The following ANKAR variants were observed in gnomAD, a reference collection of about 807,000 sequenced individuals.
ANKAR encodes ankyrin and armadillo repeat-containing protein.
Under a neutral mutation model 146.2 loss-of-function variants are expected in ANKAR, and 136 were observed. That is an observed-to-expected ratio of 0.93 (90% CI 0.81 to 1.07). ANKAR has a LOEUF of 1.07. Ranked by LOEUF, ANKAR falls within the 50% of genes least tolerant of loss-of-function variation. The pLI is 0.00. For missense variants in ANKAR, 1,567 were observed against 1,679.9 expected (o/e 0.93, Z 1.18); for synonymous variants, 500 against 575.8 (o/e 0.87, Z 1.88).
Position 189,719,556 on chromosome 2 carries a change from G to T in ANKAR, c.2225-16G>T, listed in dbSNP as rs1435094249. The T allele has an allele frequency of 7.1e-6, 11 of 1,550,622 alleles. No homozygotes were observed. Among genetic ancestry groups the T allele is most frequent in the Admixed American group, 3.6e-5 (2 of 55,924 alleles). On this transcript the variant is annotated splice_polypyrimidine_tract_variant and intron_variant, in intron 10 of 22. Transcript: ENST00000684021. ...ATAATTCATGCTTTTTAATTTTTTT[G>T]CTCTTGTCATTACAGGCACCATTCC...
At chr2:189,680,818 T>A (rs1014331495) in intron 2 of ANKAR, among the ~76,000 whole-genome samples, 5 of 146,740 alleles carry the variant, frequency 3.4e-5, no homozygotes, top group African/African-American at 1.4e-4. Flanking sequence ...TTTGATTTTC[T>A]TAAATTAATT....
At chr2:189,695,218 A>G (rs2037025794) in intron 6 of ANKAR, 57 bp downstream of exon 6, 2 of 1,384,096 alleles carry the variant, frequency 1.4e-6, no homozygotes, top group African/African-American at 1.4e-5. Flanking sequence ...ATTGATAAGT[A>G]TGTGTCTCAA....
At chr2:189,758,303 C>A (rs2046391331) in intron 18 of ANKAR, among the ~76,000 whole-genome samples, 1 of 152,078 alleles carries the variant, frequency 6.6e-6, no homozygotes, top group Non-Finnish European at 1.5e-5. Flanking sequence ...ATCGCTTGAA[C>A]CCGGGAGGCG....
intron 10 of ANKAR, among the ~76,000 whole-genome samples, chr2:189,714,398 C>A (rs978771403): frequency 3.9e-5 from 6 of 152,160 alleles, no homozygotes; most frequent in Non-Finnish European, 8.8e-5. Context: ...GAAAAGAAAT[C>A]ACAACAAACT....
At chr2:189,735,734 A>G (rs2042782509) in intron 17 of ANKAR, among the ~76,000 whole-genome samples, 2 of 152,202 alleles carry the variant, frequency 1.3e-5, no homozygotes, top group African/African-American at 2.4e-5. Context: ...TAATTTAACT[A>G]TTTTCATGCT....
chr2:189,696,608 G>A (rs183145223), intron 7 of ANKAR, among the ~76,000 whole-genome samples: 5,295 of 152,020 alleles, frequency 0.035, 108 homozygotes, highest in South Asian at 0.069. Context: ...AGCTCTATAA[G>A]AGGGCAAAGA....
chr2:189,744,134 A>G (rs1398136309), intron 21 of ANKAR, among the ~76,000 whole-genome samples: 1 of 152,224 alleles, frequency 6.6e-6, no homozygotes, highest in Non-Finnish European at 1.5e-5. Flanking sequence ...CTCTATGATA[A>G]CGGAAGAGAA....
chr2:189,712,910 A>C (rs540735163), intron 10 of ANKAR, among the ~76,000 whole-genome samples: 9 of 152,316 alleles, frequency 5.9e-5, no homozygotes, highest in African/African-American at 1.4e-4. Flanking sequence ...TAGAATAAAC[A>C]GTGTAGAGAA....
intron 12 of ANKAR, among the ~76,000 whole-genome samples, chr2:189,722,355 A>C (rs970145111): frequency 7.6e-6 from 1 of 131,628 alleles, no homozygotes; most frequent in African/African-American, 2.7e-5. Context: ...AAAAAGGAAA[A>C]AAGAATAGCA....
chr2:189,717,811 A>G (rs1351705017), intron 10 of ANKAR, among the ~76,000 whole-genome samples: 1 of 152,200 alleles, frequency 6.6e-6, no homozygotes, highest in African/African-American at 2.4e-5. Flanking sequence ...GCTGGAAACC[A>G]TCATTCTGAG....
intron 15 of ANKAR, 105 bp from the exon 16 acceptor site, chr2:189,730,390 G>A (rs1176919828): frequency 1.9e-6 from 1 of 540,234 alleles, no homozygotes; most frequent in Non-Finnish European, 3.2e-6. Context: ...CTTACTAACT[G>A]TATTACCTTA....
At chr2:189,690,453 A>G (rs564563127) in intron 3 of ANKAR, among the ~76,000 whole-genome samples, 1 of 152,364 alleles carries the variant, frequency 6.6e-6, no homozygotes, top group African/African-American at 2.4e-5. Context: ...CAGTATTGGC[A>G]CTTTAATAAA....
chr2:189,717,244 G>A (rs1327477117), intron 10 of ANKAR, among the ~76,000 whole-genome samples: 2 of 151,766 alleles, frequency 1.3e-5, no homozygotes, highest in African/African-American at 4.8e-5. Flanking sequence ...AAATTTACAA[G>A]AAAAAAACAA....
intron 17 of ANKAR, among the ~76,000 whole-genome samples, chr2:189,734,493 C>T (rs747424674): frequency 2.5e-4 from 38 of 152,164 alleles, no homozygotes; most frequent in Non-Finnish European, 4.6e-4. Flanking sequence ...ACGGGCCACA[C>T]TTTCAACAGC....
At chr2:189,686,539 A>T (rs1559060564) in intron 2 of ANKAR, among the ~76,000 whole-genome samples, 2 of 152,156 alleles carry the variant, frequency 1.3e-5, no homozygotes, top group Non-Finnish European at 2.9e-5. Context: ...TTTGTTTATT[A>T]TGCATGTCTA....
downstream of ANKAR, among the ~76,000 whole-genome samples, chr2:189,748,578 T>A (rs2044548164): frequency 6.6e-6 from 1 of 152,244 alleles, no homozygotes; most frequent in Admixed American, 6.5e-5. Context: ...CTAAATTATC[T>A]TAATGGTGCT....
At chr2:189,711,203 T>C in intron 10 of ANKAR, 50 bp downstream of exon 10, 6 of 1,316,650 alleles carry the variant, frequency 4.6e-6, no homozygotes, top group Non-Finnish European at 4.2e-6. Context: ...TGTAGAGCTA[T>C]ATTTTATTCA....
At position 189,677,054 on chromosome 2, in the gene ANKAR, A is replaced by G. The variant is rs1182744847; in HGVS notation, c.564A>G (p.Gln188=). The G allele has an allele frequency of 1.3e-6, 2 of 1,585,714 alleles. No individual in the cohort carries two copies. The highest frequency in any genetic ancestry group is 1.4e-5 in the African/African-American group (1 of 73,232). The change falls in exon 2 of 23, where the codon CAA becomes CAG. Residue 188 remains glutamine (Q), a synonymous_variant. Coordinates refer to ENST00000684021, the MANE Select transcript of ANKAR (RefSeq NM_001378068.1). ...IMDIDPDGKP[Q]TNKDIFSEFS... ...ACATTGATCCTGATGGAAAACCTCAAACAAATAAAGACATTTTTTCAGAGT... is the reference window on the plus strand; with the variant it reads ...ACATTGATCCTGATGGAAAACCTCAGACAAATAAAGACATTTTTTCAGAGT...
chr2:189,694,369 T>C (rs1024034365), intron 5 of ANKAR, among the ~76,000 whole-genome samples: 7 of 152,094 alleles, frequency 4.6e-5, no homozygotes, highest in African/African-American at 1.7e-4. Flanking sequence ...ATGGGAAGGG[T>C]ACCTCATGGG....
Sources: gnomAD v4.1 joint callset for allele counts (sites outside exome capture counted in the v4.1 genomes callset) on GRCh38, gnomAD v4.1.1 for gene constraint, MANE v1.5 for transcripts, NCBI Gene and HGNC (gene_info 2026-07-23, HGNC 2026-07-21) for gene names.